AMN1: variants seen among roughly 807,000 people sequenced by gnomAD.
AMN1 encodes antagonist of mitotic exit network 1 homolog.
AMN1 carries 20 observed loss-of-function variants against 33.0 expected under a neutral mutation model. That is an observed-to-expected ratio of 0.61 (90% CI 0.43 to 0.88). The LOEUF (loss-of-function observed/expected upper bound fraction) is 0.88. AMN1 is among the 40% of genes least tolerant of loss of function. AMN1 has a pLI of 0.00. For missense variants in AMN1, 246 were observed against 307.4 expected (o/e 0.80, Z 1.49); for synonymous variants, 114 against 111.9 (o/e 1.02, Z -0.12).
rs1047719275 is a variant in AMN1, at chr12:31,697,642, A to G, written c.534+98T>C. 31 of 1,357,650 alleles carry G rather than the reference A, an allele frequency of 2.3e-5. 1 individual carries two copies. Among genetic ancestry groups the G allele is most frequent in the African/African-American group, 1.7e-4 (12 of 69,210 alleles). 84.1% of individuals were successfully genotyped at this position (1,357,650 alleles called of 1,614,324 possible). On this transcript the variant is annotated intron_variant, in intron 4 of 6. Transcript: ENST00000281471. ...GCATGAAGTGGTCAATAGTTTCAAC[A>G]AAAACAAAATGAACTCCTTATGATA...
intron 6 of AMN1, among the ~76,000 whole-genome samples, chr12:31,674,443 C>G (rs1951343212): frequency 6.6e-6 from 1 of 151,738 alleles, no homozygotes. Context: ...TGAGCACAGT[C>G]CTTCTCAAGC....
intron 1 of AMN1, chr12:31,714,940 G>A: frequency 6.1e-6 from 6 of 981,506 alleles, no homozygotes; most frequent in Non-Finnish European, 7.3e-6. Context: ...AACCATTCAA[G>A]TCCAGTAGCA....
chr12:31,717,559 C>G (rs994832631), intron 1 of AMN1, among the ~76,000 whole-genome samples: 6 of 152,208 alleles, frequency 3.9e-5, no homozygotes, highest in African/African-American at 1.4e-4. Flanking sequence ...TAGTGTCAAG[C>G]TACTTTAAAC....
Position 31,689,071 on chromosome 12 carries a change from T to A in AMN1, c.639A>T (p.Glu213Asp). ...TTTGAGGACAGTAAGTAAGGACAGC[T>A]TCGACAGCCCCATCAGTCAGATTTA... ...HCVNLTDGAVEAVLTYCPQIR... is the reference protein window; with the variant it reads ...HCVNLTDGAVDAVLTYCPQIR... Residue 213 changes from glutamate to aspartate, a missense_variant, in exon 6 of 7, where the codon GAA (glutamate) becomes GAT (aspartate). Glu to Asp is a conservative substitution (Grantham distance 45, BLOSUM62 2). Coordinates refer to ENST00000281471, the MANE Select transcript of AMN1 (RefSeq NM_001113402.2). The A allele has an allele frequency of 1.2e-6, 2 of 1,613,660 alleles. No homozygotes were observed. The highest frequency in any genetic ancestry group is 1.7e-6 in the Non-Finnish European group (2 of 1,179,748).
intron 6 of AMN1, among the ~76,000 whole-genome samples, chr12:31,684,671 C>T (rs1270024930): frequency 1.3e-5 from 2 of 152,032 alleles, no homozygotes; most frequent in African/African-American, 4.8e-5. Flanking sequence ...CAGGGTTTCA[C>T]CGTGTTAGCC....
At chr12:31,711,684 C>T (rs1227140680) in intron 1 of AMN1, among the ~76,000 whole-genome samples, 1 of 152,058 alleles carries the variant, frequency 6.6e-6, no homozygotes. Context: ...CTGGGTTATC[C>T]ATCACCTTAA....
At chr12:31,685,031 A>G (rs7952898) in intron 6 of AMN1, among the ~76,000 whole-genome samples, 115 of 147,722 alleles carry the variant, frequency 7.8e-4, no homozygotes, top group Non-Finnish European at 1.4e-3. Flanking sequence ...CATAATTATT[A>G]TTTTTTTTTT....
intron 2 of AMN1, among the ~76,000 whole-genome samples, chr12:31,707,674 T>C (rs911208056): frequency 6.6e-6 from 1 of 152,208 alleles, no homozygotes; most frequent in African/African-American, 2.4e-5. Context: ...CAGATGCCTC[T>C]GGAATCTGTG....
In AMN1 at chr12:31,697,535, T is replaced by C. The variant is rs1938785233; in HGVS notation, c.535-118A>G. On this transcript the variant is annotated intron_variant, in intron 4 of 6. Transcript: ENST00000281471. ...TGCCTCCCATTCATCAAACATGTGT[T>C]TTAGCCATATATACCTTTCACCCTT... 4.5e-6 allele frequency: 5 copies of C among 1,118,804 alleles called. No individual in the cohort carries two copies. The Admixed American group carries it at 6.1e-5, about 14-fold the overall frequency. The allele number at this position is 1,118,804 out of a possible 1,614,324, so 69.3% of individuals were successfully genotyped here.
rs540190185 is a variant in AMN1 at position 31,704,373 on chromosome 12, T to A, written c.172-2366A>T. Among the ~76,000 whole-genome samples, 1,269 of 152,220 alleles carry A rather than the reference T, an allele frequency of 8.3e-3. 18 individuals carry two copies. Among genetic ancestry groups the A allele is most frequent in the African/African-American group, 0.029 (1,198 of 41,560 alleles). ...CTGAGTATTTCCTGATTCTTCTGGT[T>A]TTTTATTTGGTTGTTTTGTTTTTTC... On this transcript the variant is annotated intron_variant, in intron 2 of 6. Coordinates refer to ENST00000281471, the MANE Select transcript of AMN1 (RefSeq NM_001113402.2).
chr12:31,717,882 C>A (rs1054958312), intron 1 of AMN1, among the ~76,000 whole-genome samples: 1 of 152,024 alleles, frequency 6.6e-6, no homozygotes, highest in Non-Finnish European at 1.5e-5. Flanking sequence ...GTCCCCAACC[C>A]CCCGACAGGC....
intron 6 of AMN1, among the ~76,000 whole-genome samples, chr12:31,684,073 A>G (rs887218256): frequency 6.6e-6 from 1 of 152,238 alleles, no homozygotes; most frequent in African/African-American, 2.4e-5. Context: ...AAAGATCTAT[A>G]TAACTCAGAG....
rs200113204 is a variant in AMN1, at chr12:31,726,175, T to G, written c.38+2796A>C. On this transcript the variant is annotated intron_variant, in intron 1 of 6. Coordinates refer to ENST00000281471, the MANE Select transcript of AMN1 (RefSeq NM_001113402.2). ...AAGAGTAATTTCTTTTTTTTTTTTT[T>G]GGGGGGACGGAGTTTCGCTCTTGTT... Among the ~76,000 whole-genome samples, 778 of 150,366 alleles carry G rather than the reference T, an allele frequency of 5.2e-3. 6 individuals are homozygous for G. The highest frequency in any genetic ancestry group is 0.012 in the South Asian group (55 of 4,748).
intron 5 of AMN1, 61 bp downstream of exon 5, chr12:31,697,300 C>A: frequency 6.8e-7 from 1 of 1,466,182 alleles, no homozygotes; most frequent in Admixed American, 1.8e-5. Context: ...AGGTTTTAAA[C>A]ATAATTTCTA....
chr12:31,677,330 C>T (rs1001757824), intron 6 of AMN1, among the ~76,000 whole-genome samples: 22 of 152,110 alleles, frequency 1.4e-4, no homozygotes, highest in African/African-American at 5.1e-4. Context: ...GAATCACATA[C>T]TCTCCAGACT....
At chr12:31,703,319 CA>C (rs1245785908) in intron 2 of AMN1, among the ~76,000 whole-genome samples, 12 of 152,236 alleles carry the variant, frequency 7.9e-5, no homozygotes, top group African/African-American at 2.9e-4. Flanking sequence ...CTGTTAGATT[CA>C]GGGGGTACAT....
At chr12:31,672,462 T>C (rs1951298845) in intron 6 of AMN1, 85 bp from the exon 7 acceptor site, 2 of 934,498 alleles carry the variant, frequency 2.1e-6, no homozygotes, top group Non-Finnish European at 3.4e-6. Flanking sequence ...GTGATGTTAA[T>C]TATTATACAG....
intron 1 of AMN1, among the ~76,000 whole-genome samples, chr12:31,721,301 G>T (rs1939870352): frequency 6.6e-6 from 1 of 152,188 alleles, no homozygotes; most frequent in African/African-American, 2.4e-5. Flanking sequence ...ACCCAGGGGA[G>T]GAAGCTGGGT....
chr12:31,696,701 C>T (rs554033625), intron 5 of AMN1, among the ~76,000 whole-genome samples: 10 of 152,108 alleles, frequency 6.6e-5, no homozygotes, highest in African/African-American at 2.4e-4. Context: ...CCGAGGCGGT[C>T]GGATCACCTG....
Sources: allele counts gnomAD v4.1 joint callset (sites outside exome capture counted in the v4.1 genomes callset), GRCh38; gene constraint gnomAD v4.1.1; transcripts MANE v1.5; gene names NCBI Gene and HGNC (gene_info 2026-07-23, HGNC 2026-07-21).